The following PDZRN3 variants were observed in gnomAD, a reference collection of about 807,000 sequenced individuals.
The protein encoded by PDZRN3 is E3 ubiquitin-protein ligase PDZRN3.
A neutral mutation model predicts 85.7 loss-of-function variants in PDZRN3; 38 were observed. The observed-to-expected ratio is 0.44, with a 90% CI of 0.34 to 0.58. The LOEUF is 0.58. Ranked by LOEUF, PDZRN3 falls within the 20% of genes least tolerant of loss-of-function variation. The pLI, the probability that PDZRN3 is intolerant of heterozygous loss-of-function variation, is 0.01. For missense variants in PDZRN3, 1,629 were observed against 1,506.4 expected, an observed-to-expected ratio of 1.08 and a Z score of -1.35; for synonymous variants, 759 against 638.0, an observed-to-expected ratio of 1.19 and a Z score of -2.86.
At chr3:73,563,303 G>C (rs1248592336) in intron 3 of PDZRN3, among the ~76,000 whole-genome samples, 1 of 151,294 alleles carries the variant, frequency 6.6e-6, no homozygotes, top group Non-Finnish European at 1.5e-5. Context: ...CCAAAGTGCT[G>C]GGACTACAGG....
At chr3:73,468,048 C>T (rs919523058) in intron 3 of PDZRN3, among the ~76,000 whole-genome samples, 3 of 152,194 alleles carry the variant, frequency 2.0e-5, no homozygotes, top group Non-Finnish European at 4.4e-5. Context: ...ATATATTTAA[C>T]ACCATTGCAC....
At chr3:73,549,411 C>A (rs1701500990) in intron 3 of PDZRN3, among the ~76,000 whole-genome samples, 1 of 152,158 alleles carries the variant, frequency 6.6e-6, no homozygotes, top group Non-Finnish European at 1.5e-5. Context: ...CTGCTGCAGG[C>A]TTAGGTTCAA....
intron 1 of PDZRN3, among the ~76,000 whole-genome samples, chr3:73,616,013 C>T (rs1455748951): frequency 1.3e-5 from 2 of 152,136 alleles, no homozygotes; most frequent in African/African-American, 4.8e-5. Flanking sequence ...AATGCTGTCC[C>T]AGGGTGGTGG....
At chr3:73,487,927 T>C (rs1703695698) in intron 3 of PDZRN3, among the ~76,000 whole-genome samples, 1 of 152,236 alleles carries the variant, frequency 6.6e-6, no homozygotes, top group African/African-American at 2.4e-5. Context: ...TAGAAACCAT[T>C]TTCTTATCTC....
chr3:73,527,392 A>C (rs572525706), intron 3 of PDZRN3, among the ~76,000 whole-genome samples: 1 of 152,290 alleles, frequency 6.6e-6, no homozygotes, highest in South Asian at 2.1e-4. Flanking sequence ...ATCCATTAGA[A>C]ACGGATATCT....
At chr3:73,551,121 A>C (rs901936860) in intron 3 of PDZRN3, among the ~76,000 whole-genome samples, 1 of 152,224 alleles carries the variant, frequency 6.6e-6, no homozygotes, top group East Asian at 1.9e-4. Context: ...CTGTATGTGC[A>C]GGGCCAAAGG....
chr3:73,562,596 G>A (rs918538167), intron 3 of PDZRN3, among the ~76,000 whole-genome samples: 29 of 152,178 alleles, frequency 1.9e-4, no homozygotes, highest in East Asian at 5.8e-4. Context: ...GGTCAGCCCC[G>A]TTAAATGCAT....
intron 3 of PDZRN3, among the ~76,000 whole-genome samples, chr3:73,431,631 T>A (rs1575649734): frequency 6.6e-6 from 1 of 152,288 alleles, no homozygotes; most frequent in East Asian, 1.9e-4. Flanking sequence ...GCAGGGGGGA[T>A]TTTACTTAGT....
At chr3:73,590,007 G>A (rs933208695) in intron 3 of PDZRN3, among the ~76,000 whole-genome samples, 2 of 151,954 alleles carry the variant, frequency 1.3e-5, no homozygotes, top group African/African-American at 2.4e-5. Context: ...AGCGGCTCAC[G>A]CATGTAATCC....
chr3:73,567,256 T>A (rs994071499), intron 3 of PDZRN3, among the ~76,000 whole-genome samples: 5 of 152,170 alleles, frequency 3.3e-5, no homozygotes, highest in Non-Finnish European at 5.9e-5. Context: ...TACTTCCACA[T>A]CGAGCAGACA....
intron 3 of PDZRN3, among the ~76,000 whole-genome samples, chr3:73,518,633 G>C (rs904860106): frequency 1.1e-4 from 17 of 152,146 alleles, no homozygotes; most frequent in African/African-American, 4.1e-4. Context: ...ATAAACAACA[G>C]ACATTTATTT....
At chr3:73,520,046 G>A (rs1704327469) in intron 3 of PDZRN3, among the ~76,000 whole-genome samples, 1 of 152,178 alleles carries the variant, frequency 6.6e-6, no homozygotes, top group South Asian at 2.1e-4. Flanking sequence ...AGCCCTTAAA[G>A]CAGGGGGGAA....
intron 3 of PDZRN3, among the ~76,000 whole-genome samples, chr3:73,465,553 C>T (rs1395807977): frequency 6.6e-6 from 1 of 152,170 alleles, no homozygotes; most frequent in Non-Finnish European, 1.5e-5. Flanking sequence ...AGTTGATGAA[C>T]AAGATCTCAC....
At chr3:73,504,314 T>C (rs972943061) in intron 3 of PDZRN3, among the ~76,000 whole-genome samples, 2 of 152,192 alleles carry the variant, frequency 1.3e-5, no homozygotes, top group African/African-American at 4.8e-5. Context: ...AGGAAACATA[T>C]TCTCTTGGAC....
At chr3:73,613,338 T>A (rs1217951923) in intron 1 of PDZRN3, among the ~76,000 whole-genome samples, 1 of 151,766 alleles carries the variant, frequency 6.6e-6, no homozygotes, top group Admixed American at 6.6e-5. Context: ...ATCACATACA[T>A]AACATGGTCA....
At chr3:73,580,188 G>C (rs1575748783) in intron 3 of PDZRN3, among the ~76,000 whole-genome samples, 2 of 152,158 alleles carry the variant, frequency 1.3e-5, no homozygotes, top group Non-Finnish European at 2.9e-5. Flanking sequence ...AAGAACTTAA[G>C]AATTCTTAAC....
At position 73,493,014 on chromosome 3, in the gene PDZRN3, C is replaced by T. The variant is rs1221741590; in HGVS notation, c.919-88619G>A. On this transcript the variant is annotated intron_variant, in intron 3 of 9. Coordinates refer to ENST00000263666, the MANE Select transcript of PDZRN3 (RefSeq NM_015009.3). The stretch of plus-strand genomic sequence containing the variant: ...TTTTTTTTTTTTTTGGCCCTCCTTA[C>T]ACTTTGGAGACTCTTCCCTTATGTG... Among the ~76,000 whole-genome samples, 4 of 124,438 alleles carry T rather than the reference C, an allele frequency of 3.2e-5. No homozygotes were observed. In the Admixed American group the frequency reaches 3.4e-4, roughly 11 times the overall value. The allele number at this position is 124,438 out of a possible 152,430, so 81.6% of individuals were successfully genotyped here.
intron 4 of PDZRN3, chr3:73,402,351 T>A (rs530456682): frequency 3.3e-5 from 5 of 152,362 alleles, no homozygotes; most frequent in African/African-American, 9.6e-5. Context: ...GTCTGGATCA[T>A]CATACTCAGT....
Position 73,391,135 on chromosome 3 carries a change from TC to T in PDZRN3, c.1255-20del. 1.3e-6 allele frequency: 2 copies of T among 1,494,734 alleles called. No individual in the cohort carries two copies. The highest frequency in any genetic ancestry group is 1.9e-6 in the Non-Finnish European group (2 of 1,072,814). The allele number at this position is 1,494,734 out of a possible 1,614,324, so 92.6% of individuals were successfully genotyped here. On this transcript the variant is annotated intron_variant, in intron 5 of 9. Coordinates refer to ENST00000263666, the MANE Select transcript of PDZRN3 (RefSeq NM_015009.3). ...CCACTTCCTAGACAAAGAAAGGCAT[TC>T]CCAGTGAGACTCCAGCAGGCAATGC...
Sources: allele counts gnomAD v4.1 joint callset (sites outside exome capture counted in the v4.1 genomes callset), GRCh38; gene constraint gnomAD v4.1.1; transcripts MANE v1.5; gene names NCBI Gene and HGNC (gene_info 2026-07-23, HGNC 2026-07-21).